Variants in NOS1AP observed in about 807,000 individuals in gnomAD.
The protein encoded by NOS1AP is carboxyl-terminal PDZ ligand of neuronal nitric oxide synthase protein.
A neutral mutation model predicts 56.2 loss-of-function variants in NOS1AP; 21 were observed. The ratio of observed to expected loss-of-function variants is 0.37; its 90% CI spans 0.26 to 0.54. NOS1AP has a LOEUF of 0.54. Among genes scored for constraint, NOS1AP ranks in the 20% least tolerant of loss-of-function variants. The pLI is 0.84. For synonymous variants in NOS1AP, 270 were observed against 274.6 expected (o/e 0.98, Z 0.17); for missense variants, 522 against 657.8 (o/e 0.79, Z 2.26).
intron 4 of NOS1AP, among the ~76,000 whole-genome samples, chr1:162,311,432 A>T (rs1394332272): frequency 6.6e-6 from 1 of 152,176 alleles, no homozygotes; most frequent in East Asian, 1.9e-4. Flanking sequence ...GTCTCAGTTA[A>T]TACCTACAAT....
chr1:162,175,217 C>T (rs1651004904), intron 2 of NOS1AP, among the ~76,000 whole-genome samples: 1 of 150,918 alleles, frequency 6.6e-6, no homozygotes, highest in Admixed American at 6.6e-5. Context: ...GAAAGTTTTG[C>T]TCTACCTCCT....
chr1:162,333,849 A>T (rs347310), intron 5 of NOS1AP, among the ~76,000 whole-genome samples: 68,487 of 152,128 alleles, frequency 0.45, 16,452 homozygotes, highest in Middle Eastern at 0.58. Flanking sequence ...AGGTCTGATG[A>T]TAAAAAACAT....
intron 2 of NOS1AP, among the ~76,000 whole-genome samples, chr1:162,171,911 T>A (rs1286043458): frequency 6.6e-6 from 1 of 152,170 alleles, no homozygotes; most frequent in Non-Finnish European, 1.5e-5. Context: ...ACCACCCTTT[T>A]TAGGCCATAT....
intron 3 of NOS1AP, among the ~76,000 whole-genome samples, chr1:162,291,568 G>A (rs540897380): frequency 1.3e-5 from 2 of 152,080 alleles, no homozygotes; most frequent in South Asian, 2.1e-4. Flanking sequence ...AGTATTAATT[G>A]TAGGATTTGT....
intron 1 of NOS1AP, among the ~76,000 whole-genome samples, chr1:162,135,247 A>G (rs1558115920): frequency 6.6e-6 from 1 of 152,022 alleles, no homozygotes; most frequent in Non-Finnish European, 1.5e-5. Flanking sequence ...TTTGTTTTTT[A>G]TGTCCTCAGA....
chr1:162,119,342 G>A (rs184354849), intron 1 of NOS1AP, among the ~76,000 whole-genome samples: 2 of 152,244 alleles, frequency 1.3e-5, no homozygotes, highest in Admixed American at 1.3e-4. Flanking sequence ...TATGGAACCT[G>A]ATTAACCTAG....
chr1:162,211,768 A>G (rs1652356058), intron 2 of NOS1AP, among the ~76,000 whole-genome samples: 1 of 151,968 alleles, frequency 6.6e-6, no homozygotes, highest in African/African-American at 2.4e-5. Flanking sequence ...CACTTTGCTG[A>G]CCGTATCCTG....
chr1:162,236,865 C>G (rs1653309347), intron 2 of NOS1AP, among the ~76,000 whole-genome samples: 1 of 152,224 alleles, frequency 6.6e-6, no homozygotes, highest in Non-Finnish European at 1.5e-5. Context: ...TGTCTTCACC[C>G]TCCTTCTTAG....
intron 3 of NOS1AP, 58 bp from the exon 4 acceptor site, chr1:162,300,575 A>G: frequency 1.4e-6 from 2 of 1,433,756 alleles, no homozygotes; most frequent in Non-Finnish European, 2.0e-6. Flanking sequence ...AAGTATGCAT[A>G]GCTCAGTGTG....
At chr1:162,128,577 C>T (rs1648597162) in intron 1 of NOS1AP, among the ~76,000 whole-genome samples, 2 of 152,056 alleles carry the variant, frequency 1.3e-5, no homozygotes, top group Admixed American at 6.6e-5. Flanking sequence ...TTAACAAAAA[C>T]TCCTCAAAAA....
chr1:162,364,349 AG>A (rs1657997984), intron 8 of NOS1AP: 2 of 985,296 alleles, frequency 2.0e-6, no homozygotes, highest in Non-Finnish European at 2.4e-6. Context: ...CCCTTTCTTC[AG>A]GGGCCTTCTG....
intron 4 of NOS1AP, among the ~76,000 whole-genome samples, chr1:162,324,497 C>G (rs914228184): frequency 1.5e-5 from 2 of 129,988 alleles, no homozygotes. Context: ...CAGTACTTGG[C>G]ATTTAGAAAG....
intron 2 of NOS1AP, among the ~76,000 whole-genome samples, chr1:162,164,795 G>A (rs1448831601): frequency 2.0e-5 from 3 of 152,296 alleles, no homozygotes; most frequent in Non-Finnish European, 2.9e-5. Flanking sequence ...GGAGCCAAAA[G>A]CAGCATATTA....
intron 2 of NOS1AP, among the ~76,000 whole-genome samples, chr1:162,259,069 T>C (rs1654124779): frequency 6.6e-6 from 1 of 152,126 alleles, no homozygotes; most frequent in Non-Finnish European, 1.5e-5. Context: ...ACCTGCGGCC[T>C]CCAATAAGGT....
rs757850086 is a variant in NOS1AP at position 162,070,289 on chromosome 1, G to A, written c.105+7G>A. The stretch of plus-strand genomic sequence containing the variant: ...CATCTGCTTTGAGGCCAAGGTGAGG[G>A]GGCTCCGGGGAGGGTGCTACCTGTG... On this transcript the variant is annotated splice_region_variant and intron_variant, in intron 1 of 9. Coordinates refer to ENST00000361897, the MANE Select transcript of NOS1AP (RefSeq NM_014697.3). 6.2e-7 allele frequency: 1 copy of A among 1,606,082 alleles called. No individual in the cohort carries two copies. Among genetic ancestry groups the A allele is most frequent in the South Asian group, 1.1e-5 (1 of 90,874 alleles).
At chr1:162,103,885 T>G (rs1377743294) in intron 1 of NOS1AP, among the ~76,000 whole-genome samples, 1 of 152,230 alleles carries the variant, frequency 6.6e-6, no homozygotes, top group Non-Finnish European at 1.5e-5. Flanking sequence ...GTCTTTTAAT[T>G]GGGGCATTTA....
chr1:162,148,126 G>C (rs1487768389), intron 1 of NOS1AP, among the ~76,000 whole-genome samples: 2 of 152,234 alleles, frequency 1.3e-5, no homozygotes, highest in Non-Finnish European at 2.9e-5. Flanking sequence ...ACTATACAGA[G>C]TGTAATGGAG....
At chr1:162,134,099 G>T (rs1348907529) in intron 1 of NOS1AP, among the ~76,000 whole-genome samples, 1 of 152,088 alleles carries the variant, frequency 6.6e-6, no homozygotes, top group Non-Finnish European at 1.5e-5. Flanking sequence ...TAAAACACAG[G>T]TGAAACAGTC....
At chr1:162,076,232 C>T (rs1303602612) in intron 1 of NOS1AP, among the ~76,000 whole-genome samples, 1 of 152,144 alleles carries the variant, frequency 6.6e-6, no homozygotes, top group Non-Finnish European at 1.5e-5. Flanking sequence ...TGCTGTCTAC[C>T]CTCCCCAGCA....
Sources: gnomAD v4.1 joint callset for allele counts (sites outside exome capture counted in the v4.1 genomes callset) on GRCh38, gnomAD v4.1.1 for gene constraint, MANE v1.5 for transcripts, NCBI Gene and HGNC (gene_info 2026-07-23, HGNC 2026-07-21) for gene names.